UBR2: variants seen among roughly 807,000 people sequenced by gnomAD.
UBR2 encodes E3 ubiquitin-protein ligase UBR2.
Under a neutral mutation model 247.9 loss-of-function variants are expected in UBR2, and 92 were observed. The ratio of observed to expected loss-of-function variants is 0.37; its 90% CI spans 0.31 to 0.44. The LOEUF is 0.44. Ranked by LOEUF, UBR2 falls within the 20% of genes least tolerant of loss-of-function variation. The probability of loss-of-function intolerance (pLI) is 1.00; values close to 1 mark genes in which losing one functional copy is unlikely to be tolerated. For missense variants in UBR2, 1,613 were observed against 2,112.6 expected (o/e 0.76, Z 4.64); for synonymous variants, 672 against 693.5 (o/e 0.97, Z 0.49).
chr6:42,665,998 G>A (rs1212063686), intron 33 of UBR2, among the ~76,000 whole-genome samples, 169 bp from the exon 34 acceptor site: 1 of 151,944 alleles, frequency 6.6e-6, no homozygotes, highest in Non-Finnish European at 1.5e-5. Flanking sequence ...GTTAAGAAAG[G>A]GCCTTGGTCA....
At chr6:42,654,484 G>A (rs548691944) in intron 25 of UBR2, among the ~76,000 whole-genome samples, 7 of 152,280 alleles carry the variant, frequency 4.6e-5, no homozygotes, top group African/African-American at 7.2e-5. Context: ...TAACACTTTG[G>A]GAGGCCAAGG....
At chr6:42,636,324 A>T (rs1380933169) in intron 14 of UBR2, among the ~76,000 whole-genome samples, 4 of 151,880 alleles carry the variant, frequency 2.6e-5, no homozygotes, top group Admixed American at 6.6e-5. Flanking sequence ...GACAACAGGC[A>T]CACACCACCA....
rs1314494263 is a variant in UBR2 at position 42,573,909 on chromosome 6, G to A, written c.254G>A (p.Gly85Glu). 6.2e-7 allele frequency: 1 copy of A among 1,613,716 alleles called. No homozygotes were observed. The highest frequency in any genetic ancestry group is 8.5e-7 in the Non-Finnish European group (1 of 1,179,860). Reference protein sequence around the residue: ...WYLCGEDPAFGFPKLEQANKP... With the variant: ...WYLCGEDPAFEFPKLEQANKP... The stretch of plus-strand genomic sequence containing the variant: ...CTTTGTGGTGAAGATCCTGCATTTG[G>A]ATTTCCAAAACTTGAGCAAGCAAAC... Residue 85 changes from glycine to glutamate, a missense_variant, in exon 2 of 47, where the codon GGA becomes GAA. Gly to Glu is a moderately conservative substitution (Grantham distance 98). Around this residue, in one of 3 missense-constraint regions of UBR2, gnomAD observed 1,524 missense variants for 1,967.3 expected, o/e 0.77. Coordinates refer to ENST00000372901, the MANE Select transcript of UBR2 (RefSeq NM_001363705.2).
chr6:42,682,168 A>G (rs1459752212), intron 42 of UBR2, among the ~76,000 whole-genome samples: 1 of 152,172 alleles, frequency 6.6e-6, no homozygotes, highest in Non-Finnish European at 1.5e-5. Context: ...CAAAAGGATA[A>G]ATACTGTATG....
chr6:42,637,447 G>C (rs901184167), intron 15 of UBR2, among the ~76,000 whole-genome samples: 1 of 152,178 alleles, frequency 6.6e-6, no homozygotes, highest in African/African-American at 2.4e-5. Context: ...GCATTATGAG[G>C]AAGTTTGGCA....
chr6:42,605,716 C>T lies in UBR2; in HGVS notation c.663-5C>T. On this transcript the variant is annotated splice_polypyrimidine_tract_variant and splice_region_variant and intron_variant, in intron 5 of 46. Coordinates refer to ENST00000372901, the MANE Select transcript of UBR2 (RefSeq NM_001363705.2). ...ATAATATATCATGAATATTTTATCA[C>T]ACAGAGAGAAGAGTGACACCTACTA... is the stretch of plus-strand genomic sequence containing the variant. The T allele has an allele frequency of 6.3e-7, 1 of 1,592,500 alleles. No individual in the cohort carries two copies. The highest frequency in any genetic ancestry group is 1.2e-5 in the South Asian group (1 of 86,274).
intron 15 of UBR2, 71 bp from the exon 16 acceptor site, chr6:42,640,138 A>C (rs1488559412): frequency 1.6e-6 from 2 of 1,218,322 alleles, no homozygotes; most frequent in Admixed American, 4.1e-5. Flanking sequence ...AGTTGAGTGA[A>C]TATTTAGGGT....
intron 22 of UBR2, among the ~76,000 whole-genome samples, chr6:42,649,464 A>C (rs1304417194): frequency 6.6e-6 from 1 of 152,184 alleles, no homozygotes; most frequent in Non-Finnish European, 1.5e-5. Context: ...TTCTTTGAGG[A>C]TTAGCTAGAT....
At chr6:42,666,023 G>C in intron 33 of UBR2, 144 bp from the exon 34 acceptor site, 2 of 611,966 alleles carry the variant, frequency 3.3e-6, no homozygotes, top group Non-Finnish European at 5.5e-6. Flanking sequence ...GAGCAATAAC[G>C]TTTTCATGCT....
intron 42 of UBR2, 26 bp downstream of exon 42, chr6:42,679,858 T>C: frequency 6.5e-7 from 1 of 1,535,532 alleles, no homozygotes. Flanking sequence ...TTTTCTTTGT[T>C]GTATTAAATA....
intron 4 of UBR2, among the ~76,000 whole-genome samples, chr6:42,596,039 A>G (rs1482756278): frequency 1.3e-5 from 2 of 151,000 alleles, no homozygotes; most frequent in African/African-American, 2.4e-5. Flanking sequence ...GTGCTTTAGA[A>G]AAAGGTTAAA....
chr6:42,617,094 A>C (rs1794605858), intron 10 of UBR2: 2 of 678,814 alleles, frequency 2.9e-6, no homozygotes, highest in Middle Eastern at 2.5e-4. Context: ...CAATATCTAT[A>C]CAGGATTCTA....
At chr6:42,600,137 T>C (rs1298086378) in intron 4 of UBR2, among the ~76,000 whole-genome samples, 1 of 152,166 alleles carries the variant, frequency 6.6e-6, no homozygotes, top group African/African-American at 2.4e-5. Flanking sequence ...GTTAAAATCT[T>C]TATTGTAATA....
intron 44 of UBR2, 117 bp from the exon 45 acceptor site, chr6:42,688,099 A>G: frequency 8.6e-7 from 1 of 1,162,186 alleles, no homozygotes; most frequent in Non-Finnish European, 1.3e-6. Flanking sequence ...ACTGTAGGAT[A>G]TACACTTCTT....
chr6:42,572,733 T>C (rs1171851479), intron 1 of UBR2, among the ~76,000 whole-genome samples: 1 of 151,908 alleles, frequency 6.6e-6, no homozygotes, highest in African/African-American at 2.4e-5. Context: ...TTTTTTGTCC[T>C]TTGAGACAGA....
chr6:42,567,314 C>T (rs993626395), intron 1 of UBR2, among the ~76,000 whole-genome samples: 3 of 152,180 alleles, frequency 2.0e-5, no homozygotes, highest in South Asian at 2.1e-4. Flanking sequence ...GCCCTCTCTT[C>T]TCATTCTTCT....
At chr6:42,668,420 A>G (rs1179117104) in intron 34 of UBR2, among the ~76,000 whole-genome samples, 1 of 152,042 alleles carries the variant, frequency 6.6e-6, no homozygotes, top group Non-Finnish European at 1.5e-5. Flanking sequence ...AATTATTCCC[A>G]TTCTAATTCT....
At chr6:42,657,170 G>T (rs1437205438) in intron 26 of UBR2, among the ~76,000 whole-genome samples, 1 of 150,978 alleles carries the variant, frequency 6.6e-6, no homozygotes, top group Non-Finnish European at 1.5e-5. Flanking sequence ...AGGAGGTGGA[G>T]GTTGCAGTGA....
At chr6:42,683,152 A>G in intron 43 of UBR2, 41 bp downstream of exon 43, 1 of 1,543,650 alleles carries the variant, frequency 6.5e-7, no homozygotes, top group Non-Finnish European at 8.9e-7. Flanking sequence ...AGGTGGGAGA[A>G]AGGGTGGAAT....
Sources: gnomAD v4.1 joint callset for allele counts (sites outside exome capture counted in the v4.1 genomes callset) on GRCh38, gnomAD v4.1.1 for gene constraint, gnomAD v4.1.1 regional missense constraint, MANE v1.5 for transcripts, NCBI Gene and HGNC (gene_info 2026-07-23, HGNC 2026-07-21) for gene names.